GRIP1: variants seen among roughly 807,000 people sequenced by gnomAD.
GRIP1 encodes glutamate receptor-interacting protein 1.
In GRIP1, 45 loss-of-function variants were observed where a neutral mutation model predicts 129.9. The observed-to-expected ratio is 0.35, with a 90% CI of 0.27 to 0.44. GRIP1 has a LOEUF of 0.44. Among genes scored for constraint, GRIP1 ranks in the 20% least tolerant of loss-of-function variants. GRIP1 has a pLI of 1.00. For missense variants in GRIP1, 1,196 were observed against 1,396.8 expected (o/e 0.86, Z 2.29); for synonymous variants, 530 against 520.8 (o/e 1.02, Z -0.24).
intron 1 of GRIP1, among the ~76,000 whole-genome samples, chr12:66,862,780 G>C (rs191247491): frequency 3.0e-4 from 46 of 152,196 alleles, no homozygotes; most frequent in African/African-American, 1.1e-3. Context: ...GGGCCCTGCT[G>C]TACTGGCAGA....
At chr12:66,859,838 T>C (rs1268914502) in intron 1 of GRIP1, among the ~76,000 whole-genome samples, 1 of 152,038 alleles carries the variant, frequency 6.6e-6, no homozygotes, top group Non-Finnish European at 1.5e-5. Flanking sequence ...TGGGGGAAAA[T>C]ACTTGGCTTC....
chr12:66,768,663 T>TGTAAA (rs1477972380), intron 1 of GRIP1, among the ~76,000 whole-genome samples: 1 of 152,210 alleles, frequency 6.6e-6, no homozygotes, highest in African/African-American at 2.4e-5. Flanking sequence ...GGATATACTA[T>TGTAAA]GTAAAATAAA....
chr12:66,562,536 T>C (rs2062573417), intron 2 of GRIP1, among the ~76,000 whole-genome samples: 1 of 152,156 alleles, frequency 6.6e-6, no homozygotes, highest in African/African-American at 2.4e-5. Context: ...AATAGTTCAG[T>C]TCCAAAAGAA....
At chr12:66,712,241 C>A (rs1203943417) in intron 1 of GRIP1, among the ~76,000 whole-genome samples, 1 of 151,698 alleles carries the variant, frequency 6.6e-6, no homozygotes, top group African/African-American at 2.4e-5. Context: ...AATCATTATA[C>A]AAAAGTATGG....
intron 1 of GRIP1, among the ~76,000 whole-genome samples, chr12:66,942,563 A>T (rs1276967492): frequency 6.6e-6 from 1 of 152,200 alleles, no homozygotes; most frequent in Non-Finnish European, 1.5e-5. Flanking sequence ...ACCTGTTACT[A>T]ATCACACCTG....
At chr12:66,373,921 T>A (rs1020845249) in intron 22 of GRIP1, among the ~76,000 whole-genome samples, 1 of 152,190 alleles carries the variant, frequency 6.6e-6, no homozygotes, top group Non-Finnish European at 1.5e-5. Flanking sequence ...AGCCTGGGCA[T>A]GGAGCTCTAG....
intron 1 of GRIP1, among the ~76,000 whole-genome samples, chr12:66,789,551 A>T (rs1046019481): frequency 7.5e-5 from 11 of 147,320 alleles, no homozygotes; most frequent in African/African-American, 2.8e-4. Flanking sequence ...GGTTATTACC[A>T]AAACTATAAT....
chr12:67,025,563 G>A (rs568107122), intron 1 of GRIP1, among the ~76,000 whole-genome samples: 6 of 152,190 alleles, frequency 3.9e-5, no homozygotes, highest in South Asian at 4.2e-4. Flanking sequence ...ATAAATAAAC[G>A]TGCATTACAG....
chr12:66,617,084 T>TC (rs367666132), intron 1 of GRIP1, among the ~76,000 whole-genome samples: 1 of 137,560 alleles, frequency 7.3e-6, no homozygotes, highest in South Asian at 2.5e-4. Context: ...CAACAGACGT[T>TC]TTGTGTGTGT....
rs1352098564 is a variant in GRIP1, at chr12:66,392,444, C to T, written c.2328G>A (p.Gly776=). The T allele has an allele frequency of 2.5e-6, 4 of 1,613,952 alleles. No homozygotes were observed. In the African/African-American group the frequency reaches 4.0e-5, roughly 16 times the overall value. Residue 776 remains glycine, a synonymous_variant, in exon 19 of 25, where the codon GGG becomes GGA. Transcript: ENST00000359742. ...CTGGTGAGGAGTCCTCCTCCACATC[C>T]CCCAGGTCACTCAAATGGCTAGAAA... ...FPISSHLSDL[G]DVEEDSSPAQ...
At chr12:66,859,859 TC>T in intron 1 of GRIP1, among the ~76,000 whole-genome samples, 1 of 152,144 alleles carries the variant, frequency 6.6e-6, no homozygotes, top group South Asian at 2.1e-4. Context: ...TTAGTCCTCC[TC>T]AGCTCAGCAT....
intron 4 of GRIP1, among the ~76,000 whole-genome samples, chr12:66,533,880 T>A (rs144874936): frequency 7.8e-6 from 1 of 128,658 alleles, no homozygotes; most frequent in Non-Finnish European, 1.7e-5. Flanking sequence ...CACACACACA[T>A]ACACACACTC....
intron 7 of GRIP1, among the ~76,000 whole-genome samples, chr12:66,509,798 G>A (rs2060641845): frequency 6.6e-6 from 1 of 152,016 alleles, no homozygotes; most frequent in Non-Finnish European, 1.5e-5. Context: ...GGCCTGTCAC[G>A]GGGGCAGGGG....
chr12:66,377,638 C>CTTTTTTTTTTTTT (rs3045282), intron 20 of GRIP1, among the ~76,000 whole-genome samples: 24 of 124,590 alleles, frequency 1.9e-4, no homozygotes, highest in African/African-American at 7.5e-4. Flanking sequence ...CGCACCCGGC[C>CTTTTTTTTTTTTT]TTTTTTTTTT....
intron 1 of GRIP1, among the ~76,000 whole-genome samples, chr12:66,674,551 C>T (rs1218765895): frequency 6.6e-6 from 1 of 152,140 alleles, no homozygotes; most frequent in Non-Finnish European, 1.5e-5. Context: ...ATTTAGACGT[C>T]ACCTGAGTAA....
Position 66,412,209 on chromosome 12 carries a change from A to C in GRIP1, c.1839-5781T>G, listed in dbSNP as rs1262757324. Among the ~76,000 whole-genome samples the C allele has an allele frequency of 3.9e-5, 6 of 152,222 alleles. No individual in the cohort carries two copies. The East Asian group carries it at 1.2e-3, about 29-fold the overall frequency. ...TTCTCCAAGGTCGAAATGAAAGAAA[A>C]AAATGTTAAGCATAGCCAGAAAGAA... On this transcript the variant is annotated intron_variant, in intron 15 of 24. Transcript: ENST00000359742.
intron 1 of GRIP1, among the ~76,000 whole-genome samples, chr12:66,669,092 T>C (rs1350585812): frequency 6.6e-6 from 1 of 152,148 alleles, no homozygotes; most frequent in African/African-American, 2.4e-5. Flanking sequence ...ATGTGTGGGA[T>C]TGGTTAAGCC....
At chr12:67,063,089 A>T (rs2043563062) in intron 1 of GRIP1, among the ~76,000 whole-genome samples, 1 of 152,204 alleles carries the variant, frequency 6.6e-6, no homozygotes, top group Non-Finnish European at 1.5e-5. Flanking sequence ...TGACATAGAT[A>T]TTTCTTGTCC....
At chr12:66,477,744 T>C (rs554177183) in intron 7 of GRIP1, among the ~76,000 whole-genome samples, 2 of 152,296 alleles carry the variant, frequency 1.3e-5, no homozygotes, top group Non-Finnish European at 2.9e-5. Flanking sequence ...AACCATCTGA[T>C]CTTTGACAAA....
Sources: allele counts gnomAD v4.1 joint callset (sites outside exome capture counted in the v4.1 genomes callset), GRCh38; gene constraint gnomAD v4.1.1; transcripts MANE v1.5; gene names NCBI Gene and HGNC (gene_info 2026-07-23, HGNC 2026-07-21).